The following CUL4B variants were observed in gnomAD, a reference collection of about 807,000 sequenced individuals.
CUL4B encodes cullin 4B, also known as cullin-4B.
A neutral mutation model predicts 69.2 loss-of-function variants in CUL4B; 1 was observed. The ratio of observed to expected loss-of-function variants is 0.01; its 90% CI spans 0.01 to 0.07. The LOEUF (loss-of-function observed/expected upper bound fraction) is 0.07, where lower values mean the gene tolerates loss of function less well. Ranked by LOEUF, CUL4B falls within the 10% of genes least tolerant of loss-of-function variation. CUL4B has a pLI of 1.00. For missense variants in CUL4B, 328 were observed against 638.8 expected (o/e 0.51, Z 5.24); for synonymous variants, 237 against 223.2 (o/e 1.06, Z -0.55).
chrX:120,564,855 C>T (rs1239787055), upstream of CUL4B, among the ~76,000 whole-genome samples: 1 of 112,224 alleles, frequency 8.9e-6, no homozygotes, highest in Non-Finnish European at 1.9e-5. Context: ...AGACTGGGCA[C>T]TTAACACATA....
intron 1 of CUL4B, among the ~76,000 whole-genome samples, chrX:120,558,640 G>A (rs1450787167): frequency 8.9e-6 from 1 of 111,866 alleles, no homozygotes; most frequent in Non-Finnish European, 1.9e-5. Context: ...ACATTTACGA[G>A]CAGAGTGAAA....
chrX:120,574,335 T>C (rs899510598), intron 2 of CUL4B, among the ~76,000 whole-genome samples: 1 of 110,159 alleles, frequency 9.1e-6, no homozygotes, highest in Non-Finnish European at 1.9e-5. Context: ...CTAAGCCTCC[T>C]GAGTAGCTGG....
chrX:120,533,757 CCT>C (rs763576382), intron 17 of CUL4B, among the ~76,000 whole-genome samples: 130 of 111,785 alleles, frequency 1.2e-3, no homozygotes, highest in African/African-American at 3.9e-3. Flanking sequence ...GTCATTTCCC[CCT>C]TTCCCTATGG....
chrX:120,546,742 A>G, intron 3 of CUL4B, 126 bp from the exon 4 acceptor site: 1 of 483,173 alleles, frequency 2.1e-6, no homozygotes, highest in East Asian at 3.8e-5. Context: ...GCACTTGATT[A>G]TGCACCAAAG....
chrX:120,550,298 A>G (rs969397547), intron 2 of CUL4B, among the ~76,000 whole-genome samples: 2 of 112,382 alleles, frequency 1.8e-5, no homozygotes, highest in Non-Finnish European at 3.8e-5. Context: ...GTTCTTTAAT[A>G]CTTTTTGAGC....
upstream of CUL4B, chrX:120,561,297 C>T (rs781760642): frequency 3.7e-5 from 20 of 543,449 alleles, no homozygotes; most frequent in South Asian, 4.3e-4. Context: ...CAGCGCCTTC[C>T]TTCCCTGGCC....
At position 120,547,772 on chromosome X, in the gene CUL4B, T is replaced by C. The variant is rs186015001; in HGVS notation, c.673-533A>G. Among the ~76,000 whole-genome samples, 364 of 111,413 alleles carry C rather than the reference T, an allele frequency of 3.3e-3. 1 individual carries two copies. Among genetic ancestry groups the C allele is most frequent in the African/African-American group, 0.012 (354 of 30,685 alleles). On this transcript the variant is annotated intron_variant, in intron 2 of 19. Coordinates refer to ENST00000371322, the MANE Select transcript of CUL4B (RefSeq NM_001079872.2). ...CAGTGGGCTGGGGAAGGCAGATCCA[T>C]CCTTAACCTGGTGGGCACAATCTAA...
At chrX:120,564,469 G>A (rs1320403963), upstream of CUL4B, among the ~76,000 whole-genome samples, 1 of 111,549 alleles carries the variant, frequency 9.0e-6, no homozygotes, top group Admixed American at 9.5e-5. Flanking sequence ...ATCTGGGCAC[G>A]TTGGCAGGTG....
chrX:120,561,830 T>C (rs1259220596), upstream of CUL4B, among the ~76,000 whole-genome samples: 1 of 110,653 alleles, frequency 9.0e-6, no homozygotes, highest in Non-Finnish European at 1.9e-5. Flanking sequence ...TATGTTAAGA[T>C]AGGAAAGGAG....
At position 120,560,396 on chromosome X, in the gene CUL4B, C is replaced by T. The variant is rs1478158662; in HGVS notation, c.243G>A (p.Ser81=). 8.3e-7 allele frequency: 1 copy of T among 1,207,550 alleles called. No individual in the cohort carries two copies. The highest frequency in any genetic ancestry group is 1.1e-6 in the Non-Finnish European group (1 of 893,105). Residue 81 remains serine (S), a synonymous_variant, in exon 1 of 20, where the codon TCG becomes TCA. Coordinates refer to ENST00000371322, the MANE Select transcript of CUL4B (RefSeq NM_001079872.2). The part of the protein sequence containing the change: ...QPRDSASPST[S]SFCLGVSVAA... ...CCACTGAAACCCCCAGGCAGAAGGA[C>T]GAGGTTGAAGGGGATGCCGAATCCC...
intron 11 of CUL4B, among the ~76,000 whole-genome samples, 157 bp from the exon 12 acceptor site, chrX:120,539,529 G>T (rs907850652): frequency 8.9e-6 from 1 of 111,873 alleles, no homozygotes; most frequent in Non-Finnish European, 1.9e-5. Context: ...AAGATCAACT[G>T]ACTTGTTCAG....
chrX:120,536,665 G>C (rs767936313), intron 15 of CUL4B, among the ~76,000 whole-genome samples: 1 of 111,549 alleles, frequency 9.0e-6, no homozygotes, highest in Non-Finnish European at 1.9e-5. Context: ...TAAAGCAGTT[G>C]GTATTTGGTG....
At position 120,526,747 on chromosome X, in the gene CUL4B, G is replaced by C. The variant is rs745615241; in HGVS notation, c.*14C>G. ...GCTACTGCATATGACACCAAATGCT[G>C]CAAGGCCAACATTCTATGCAATATA... On this transcript the variant is annotated 3_prime_UTR_variant, in exon 20 of 20. Coordinates refer to ENST00000371322, the MANE Select transcript of CUL4B (RefSeq NM_001079872.2). The C allele has an allele frequency of 2.7e-6, 3 of 1,121,463 alleles. No individual in the cohort carries two copies. Among genetic ancestry groups the C allele is most frequent in the Non-Finnish European group, 3.7e-6 (3 of 817,941 alleles). The allele number at this position is 1,121,463 out of a possible 1,213,427, so 92.4% of individuals were successfully genotyped here.
At chrX:120,561,336 G>T, upstream of CUL4B, 1 of 563,624 alleles carries the variant, frequency 1.8e-6, no homozygotes, top group Non-Finnish European at 3.3e-6. Context: ...CCTCCTTAAC[G>T]GTCCCGCGGG....
downstream of CUL4B, among the ~76,000 whole-genome samples, chrX:120,566,897 A>C (rs112199597): frequency 0.04 from 4,420 of 110,575 alleles, 214 homozygotes; most frequent in African/African-American, 0.13. Context: ...GAGCCAGAGC[A>C]GCCACAGATG....
At chrX:120,565,630 C>T (rs1925473448), upstream of CUL4B, among the ~76,000 whole-genome samples, 1 of 80,706 alleles carries the variant, frequency 1.2e-5, no homozygotes, top group Non-Finnish European at 2.3e-5. Context: ...TGCAGTGAGC[C>T]GAGATTGCAC....
Position 120,544,180 on chromosome X carries a change from T to C in CUL4B, c.1107A>G (p.Gln369=), listed in dbSNP as rs892169020. 7 of 1,200,152 alleles carry C rather than the reference T, an allele frequency of 5.8e-6. No homozygotes were observed. The highest frequency in any genetic ancestry group is 4.4e-5 in the Admixed American group (2 of 45,640). ...GCCGGTTAGTTTCTTCCAAAAATCG[T>C]TGTTCAAAAGAATCTTGATAAATCT... ...DLQIYQDSFE[Q]RFLEETNRLY... The change falls in exon 7 of 20, where the codon CAA becomes CAG. Residue 369 remains glutamine, a synonymous_variant. Transcript: ENST00000371322.
intron 13 of CUL4B, 191 bp downstream of exon 13, chrX:120,538,469 C>T (rs1923796790): frequency 4.9e-6 from 2 of 406,773 alleles, no homozygotes; most frequent in Non-Finnish European, 4.2e-6. Context: ...AAGAACAATG[C>T]TTTATCTTAA....
At chrX:120,528,503 A>T (rs763976628) in intron 19 of CUL4B, among the ~76,000 whole-genome samples, 6 of 110,600 alleles carry the variant, frequency 5.4e-5, no homozygotes, top group Non-Finnish European at 1.1e-4. Context: ...TGGGCAGATC[A>T]TGAGGTCAGG....
Sources: allele counts gnomAD v4.1 joint callset (sites outside exome capture counted in the v4.1 genomes callset), GRCh38; gene constraint gnomAD v4.1.1; transcripts MANE v1.5; gene names NCBI Gene and HGNC (gene_info 2026-07-23, HGNC 2026-07-21).